The following DCAF8L2 variants were observed in gnomAD, a reference collection of about 807,000 sequenced individuals.
The protein encoded by DCAF8L2 is DDB1 and CUL4 associated factor 8 like 2.
For missense variants in DCAF8L2, 430 were observed against 490.7 expected, an observed-to-expected ratio of 0.88 and a Z score of 1.17; for synonymous variants, 200 against 190.9, an observed-to-expected ratio of 1.05 and a Z score of -0.39.
the DCAF8L2 span, among the ~76,000 whole-genome samples, chrX:27,478,950 T>A: frequency 8.9e-6 from 1 of 111,767 alleles, no homozygotes; most frequent in Non-Finnish European, 1.9e-5. Context: ...CTTTGTATAA[T>A]CCCCTTTATT....
intron 2 of DCAF8L2, among the ~76,000 whole-genome samples, chrX:27,642,699 T>C: frequency 8.9e-6 from 1 of 112,123 alleles, no homozygotes; most frequent in Non-Finnish European, 1.9e-5. Context: ...TTTGGTAAAA[T>C]GTACATTTAT....
At chrX:27,526,747 AGGAC>A in the DCAF8L2 span, among the ~76,000 whole-genome samples, 3 of 112,872 alleles carry the variant, frequency 2.7e-5, no homozygotes, top group Non-Finnish European at 3.7e-5. Flanking sequence ...TCTGACAGTC[AGGAC>A]CCTCAGCTGC....
chrX:27,746,765 T>C (rs1157881545), intron 4 of DCAF8L2, 73 bp from the exon 5 acceptor site: 3 of 559,009 alleles, frequency 5.4e-6, no homozygotes, highest in Non-Finnish European at 8.5e-6. Context: ...GCCAATCAGA[T>C]TGCTGTTTGA....
chrX:27,747,152 G>A lies in DCAF8L2; in HGVS notation c.257G>A (p.Ser86Asn), dbSNP rs1459679252. 1.7e-6 allele frequency: 2 copies of A among 1,167,557 alleles called. No individual in the cohort carries two copies. The highest frequency in any genetic ancestry group is 2.3e-6 in the Non-Finnish European group (2 of 872,964). ...ESASEDIELESLEDFEHFLMS... is the reference protein window; with the variant it reads ...ESASEDIELENLEDFEHFLMS... Reference sequence around the variant, plus strand: ...GCAAGTGAAGACATCGAACTTGAGAGCTTGGAGGACTTTGAGCATTTCCTC... The same window carrying A: ...GCAAGTGAAGACATCGAACTTGAGAACTTGGAGGACTTTGAGCATTTCCTC... Residue 86 changes from serine to asparagine, a missense_variant, in exon 5 of 5, where the codon AGC becomes AAC. Coordinates refer to ENST00000451261, the MANE Select transcript of DCAF8L2 (RefSeq NM_001353450.2).
intron 1 of DCAF8L2, among the ~76,000 whole-genome samples, chrX:27,629,655 C>G (rs1241617988): frequency 1.8e-5 from 2 of 111,417 alleles, no homozygotes; most frequent in African/African-American, 6.5e-5. Context: ...GCTTTTTATT[C>G]TGTTCCATTG....
At chrX:27,586,320 A>G (rs1925902347), upstream of DCAF8L2, among the ~76,000 whole-genome samples, 1 of 111,621 alleles carries the variant, frequency 9.0e-6, no homozygotes, top group Non-Finnish European at 1.9e-5. Flanking sequence ...AGGTATATAT[A>G]TATATGTTCA....
At chrX:27,583,679 G>A in the DCAF8L2 span, among the ~76,000 whole-genome samples, 1,044 of 111,008 alleles carry the variant, frequency 9.4e-3, 10 homozygotes, top group Non-Finnish European at 0.014. Context: ...TTAGATTAGC[G>A]TTAGATTCTC....
chrX:27,636,611 G>T (rs1320101314), intron 2 of DCAF8L2, among the ~76,000 whole-genome samples: 3 of 110,966 alleles, frequency 2.7e-5, no homozygotes, highest in Admixed American at 1.9e-4. Context: ...TATATCAGGT[G>T]GTCTGAATGC....
At chrX:27,697,995 T>C (rs1192496241) in intron 3 of DCAF8L2, among the ~76,000 whole-genome samples, 1 of 110,046 alleles carries the variant, frequency 9.1e-6, no homozygotes, top group Non-Finnish European at 1.9e-5. Context: ...ACCTTATAGT[T>C]GAATTTTTAT....
intron 4 of DCAF8L2, among the ~76,000 whole-genome samples, chrX:27,727,823 T>C (rs1932119875): frequency 8.9e-6 from 1 of 111,845 alleles, no homozygotes; most frequent in Non-Finnish European, 1.9e-5. Flanking sequence ...TTTTAATCTC[T>C]TTTTGCACTG....
chrX:27,744,706 C>T (rs760510848), intron 4 of DCAF8L2, among the ~76,000 whole-genome samples: 15 of 111,730 alleles, frequency 1.3e-4, no homozygotes, highest in Non-Finnish European at 2.8e-4. Flanking sequence ...TCATGAATGG[C>T]TTGGTGCCTT....
intron 3 of DCAF8L2, among the ~76,000 whole-genome samples, chrX:27,703,121 G>A (rs1290485026): frequency 9.0e-6 from 1 of 111,012 alleles, no homozygotes; most frequent in African/African-American, 3.3e-5. Context: ...ATAATTCTTA[G>A]GAATAAATTT....
Position 27,726,961 on chromosome X carries a change from T to TG in DCAF8L2, c.-59+10790_-59+10791insG, listed in dbSNP as rs777589984. Among the ~76,000 whole-genome samples, 426 of 112,041 alleles carry TG rather than the reference T, an allele frequency of 3.8e-3. 4 individuals carry two copies. Among genetic ancestry groups the TG allele is most frequent in the African/African-American group, 0.013 (403 of 30,953 alleles). ...GTATTGTTGGATCAGGGGATCTGCATATCTGCAAGTTTAATAGATACTGCC... is the reference window on the plus strand; with the variant it reads ...GTATTGTTGGATCAGGGGATCTGCATGATCTGCAAGTTTAATAGATACTGCC... On this transcript the variant is annotated intron_variant, in intron 4 of 4. Transcript: ENST00000451261.
chrX:27,570,591 G>A, the DCAF8L2 span, among the ~76,000 whole-genome samples: 1 of 111,556 alleles, frequency 9.0e-6, no homozygotes, highest in Non-Finnish European at 1.9e-5. Flanking sequence ...AAGAATTCAG[G>A]GGAAGCTCTC....
the DCAF8L2 span, among the ~76,000 whole-genome samples, chrX:27,550,909 G>A: frequency 1.8e-5 from 2 of 110,887 alleles, no homozygotes; most frequent in Non-Finnish European, 3.8e-5. Context: ...TGCTCACTTC[G>A]TGTCTCTGTG....
chrX:27,705,845 G>T (rs1171290791), intron 3 of DCAF8L2, among the ~76,000 whole-genome samples: 1 of 111,496 alleles, frequency 9.0e-6, no homozygotes, highest in Non-Finnish European at 1.9e-5. Flanking sequence ...TGCCATCTTT[G>T]TCATGAAATA....
At chrX:27,584,994 T>C in the DCAF8L2 span, among the ~76,000 whole-genome samples, 1 of 111,465 alleles carries the variant, frequency 9.0e-6, no homozygotes, top group Non-Finnish European at 1.9e-5. Flanking sequence ...TTATCCAGTG[T>C]AAAACGGTGA....
chrX:27,544,674 G>A, the DCAF8L2 span, among the ~76,000 whole-genome samples: 1 of 111,944 alleles, frequency 8.9e-6, no homozygotes, highest in Non-Finnish European at 1.9e-5. Context: ...TGATTTACAT[G>A]TTGGTCATAT....
In DCAF8L2 at chrX:27,749,878, T is replaced by C. The variant is rs1922476531; in HGVS notation, c.*1087T>C. On this transcript the variant is annotated 3_prime_UTR_variant, in exon 5 of 5. Transcript: ENST00000451261. ...AAAAATTGTTTTATGCCTCATTTAA[T>C]ATAAATTAAATAAGGGTACTGGATG... Among the ~76,000 whole-genome samples the C allele has an allele frequency of 8.9e-6, 1 of 112,308 alleles. No homozygotes were observed. Among genetic ancestry groups the C allele is most frequent in the African/African-American group, 3.2e-5 (1 of 30,932 alleles).
Sources: allele counts gnomAD v4.1 joint callset (sites outside exome capture counted in the v4.1 genomes callset), GRCh38; gene constraint gnomAD v4.1.1; transcripts MANE v1.5; gene names NCBI Gene and HGNC (gene_info 2026-07-23, HGNC 2026-07-21).